PCDH15: variants seen among roughly 807,000 people sequenced by gnomAD.
PCDH15 encodes the protein protocadherin related 15, also known as protocadherin-15.
Under a neutral mutation model 178.5 loss-of-function variants are expected in PCDH15, and 129 were observed. The ratio of observed to expected loss-of-function variants is 0.72; its 90% CI spans 0.63 to 0.84. PCDH15 has a LOEUF of 0.84. Among genes scored for constraint, PCDH15 ranks in the 40% least tolerant of loss-of-function variants. PCDH15 has a pLI of 0.00. For synonymous variants in PCDH15, 800 were observed against 732.0 expected, an observed-to-expected ratio of 1.09 and a Z score of -1.50; for missense variants, 2,230 against 2,099.9, an observed-to-expected ratio of 1.06 and a Z score of -1.21.
At chr10:55,127,208 C>T (rs190063993) in intron 2 of PCDH15, among the ~76,000 whole-genome samples, 72 of 152,208 alleles carry the variant, frequency 4.7e-4, no homozygotes, top group African/African-American at 1.6e-3. Flanking sequence ...GCCAGAACTT[C>T]CCCTTTCTGG....
At chr10:54,960,903 G>A (rs1838629113) in intron 2 of PCDH15, among the ~76,000 whole-genome samples, 1 of 152,284 alleles carries the variant, frequency 6.6e-6, no homozygotes, top group East Asian at 1.9e-4. Flanking sequence ...TAACAGATCA[G>A]AGAACATCCT....
chr10:55,226,664 G>A (rs1019514104), intron 1 of PCDH15, among the ~76,000 whole-genome samples: 4 of 152,064 alleles, frequency 2.6e-5, no homozygotes, highest in Middle Eastern at 3.2e-3. Context: ...TTACAGGCGT[G>A]AGCCACTGCG....
chr10:54,645,323 G>A (rs1370268025), intron 2 of PCDH15, among the ~76,000 whole-genome samples: 1 of 152,078 alleles, frequency 6.6e-6, no homozygotes, highest in Non-Finnish European at 1.5e-5. Context: ...GAGACAGAGA[G>A]AGAGAGAGAA....
At chr10:55,114,579 A>G (rs1837585246) in intron 2 of PCDH15, among the ~76,000 whole-genome samples, 1 of 152,214 alleles carries the variant, frequency 6.6e-6, no homozygotes, top group Non-Finnish European at 1.5e-5. Context: ...TGACTAAGTT[A>G]GGCCAATGTG....
At position 53,938,279 on chromosome 10, in the gene PCDH15, T is replaced by C. The variant is rs183110198; in HGVS notation, c.3373+536A>G. 2.8e-3 allele frequency among the ~76,000 whole-genome samples: 422 copies of C among 152,248 alleles called. 3 individuals carry two copies. The highest frequency in any genetic ancestry group is 9.3e-3 in the African/African-American group (387 of 41,566). On this transcript the variant is annotated intron_variant, in intron 25 of 37. Transcript: ENST00000644397. ...ATAACCTTTTTAATTATTAACAAAATCTTGCCTTTGTAAAACAGGGTAGTA... is the reference window on the plus strand; with the variant it reads ...ATAACCTTTTTAATTATTAACAAAACCTTGCCTTTGTAAAACAGGGTAGTA...
intron 15 of PCDH15, among the ~76,000 whole-genome samples, chr10:54,129,639 C>T (rs955997839): frequency 2.0e-5 from 3 of 152,006 alleles, no homozygotes; most frequent in African/African-American, 7.3e-5. Context: ...TGTGCCTGAC[C>T]GCATATTAAG....
At chr10:54,470,745 C>G (rs760080279) in intron 3 of PCDH15, among the ~76,000 whole-genome samples, 1 of 152,116 alleles carries the variant, frequency 6.6e-6, no homozygotes, top group African/African-American at 2.4e-5. Context: ...TGTAGCCAAG[C>G]GGGCTGCCTC....
chr10:53,844,201 T>C (rs2077832577), intron 28 of PCDH15, among the ~76,000 whole-genome samples: 1 of 152,046 alleles, frequency 6.6e-6, no homozygotes, highest in South Asian at 2.1e-4. Flanking sequence ...CTGAGTGAGA[T>C]AAGAATCTGT....
At chr10:55,034,236 C>T (rs1564735304) in intron 2 of PCDH15, among the ~76,000 whole-genome samples, 1 of 152,062 alleles carries the variant, frequency 6.6e-6, no homozygotes, top group Non-Finnish European at 1.5e-5. Flanking sequence ...TACCTACTGA[C>T]CCAACAAGTG....
chr10:54,191,618 A>G (rs2048994926), intron 11 of PCDH15, among the ~76,000 whole-genome samples: 1 of 152,082 alleles, frequency 6.6e-6, no homozygotes, highest in African/African-American at 2.4e-5. Flanking sequence ...TCATAAAAGT[A>G]TATCAAATAG....
intron 20 of PCDH15, among the ~76,000 whole-genome samples, chr10:54,001,342 G>C (rs1330375165): frequency 6.6e-6 from 1 of 152,116 alleles, no homozygotes; most frequent in South Asian, 2.1e-4. Context: ...TAAGTAGAAA[G>C]ACTAAATTAT....
At chr10:54,771,207 C>G (rs144445381) in intron 1 of PCDH15, among the ~76,000 whole-genome samples, 3 of 151,966 alleles carry the variant, frequency 2.0e-5, no homozygotes, top group African/African-American at 7.3e-5. Flanking sequence ...TTTGTTAACT[C>G]TATTTGAAGT....
chr10:54,237,152 G>A (rs1297528408), intron 8 of PCDH15, among the ~76,000 whole-genome samples: 1 of 152,078 alleles, frequency 6.6e-6, no homozygotes, highest in Non-Finnish European at 1.5e-5. Flanking sequence ...TATGCACATA[G>A]ACATTTATAT....
chr10:55,129,805 A>T (rs1203375549), intron 2 of PCDH15, among the ~76,000 whole-genome samples: 1 of 152,122 alleles, frequency 6.6e-6, no homozygotes, highest in African/African-American at 2.4e-5. Flanking sequence ...AAAATACAAA[A>T]ATGGATAAAA....
intron 2 of PCDH15, among the ~76,000 whole-genome samples, chr10:55,413,806 AT>A (rs138948137): frequency 2.6e-5 from 4 of 151,214 alleles, no homozygotes; most frequent in East Asian, 3.9e-4. Context: ...GCTCGGAAAT[AT>A]TTTTTTTAGG....
At chr10:54,248,258 C>T (rs1380744429) in intron 8 of PCDH15, among the ~76,000 whole-genome samples, 3 of 151,632 alleles carry the variant, frequency 2.0e-5, no homozygotes, top group African/African-American at 7.3e-5. Context: ...AACTTGAAGC[C>T]AAGCTTCAAA....
intron 25 of PCDH15, among the ~76,000 whole-genome samples, chr10:53,921,312 A>G (rs1362838357): frequency 6.6e-6 from 1 of 152,092 alleles, no homozygotes; most frequent in East Asian, 1.9e-4. Context: ...TTAGCACTGT[A>G]AGTTTCAAGT....
intron 4 of PCDH15, among the ~76,000 whole-genome samples, chr10:54,370,794 G>A (rs1947541696): frequency 6.6e-6 from 1 of 151,910 alleles, no homozygotes; most frequent in Middle Eastern, 3.4e-3. Context: ...CGACACATTT[G>A]TAAATGAGAA....
chr10:54,518,556 G>T (rs2082476103), intron 3 of PCDH15, among the ~76,000 whole-genome samples: 1 of 152,162 alleles, frequency 6.6e-6, no homozygotes, highest in Non-Finnish European at 1.5e-5. Context: ...AGCTGAAATT[G>T]TGGCAATAAT....
Sources: gnomAD v4.1 joint callset for allele counts (sites outside exome capture counted in the v4.1 genomes callset) on GRCh38, gnomAD v4.1.1 for gene constraint, MANE v1.5 for transcripts, NCBI Gene and HGNC (gene_info 2026-07-23, HGNC 2026-07-21) for gene names.